PTK2: variants seen among roughly 807,000 people sequenced by gnomAD.
The protein encoded by PTK2 is protein tyrosine kinase 2, also known as focal adhesion kinase 1.
PTK2 carries 45 observed loss-of-function variants against 150.1 expected under a neutral mutation model. The observed-to-expected ratio is 0.30, with a 90% CI of 0.24 to 0.38. The LOEUF (loss-of-function observed/expected upper bound fraction) is 0.38, where lower values mean the gene tolerates loss of function less well. PTK2 is among the 10% of genes least tolerant of loss of function. The probability of loss-of-function intolerance (pLI) is 1.00; values close to 1 mark genes in which losing one functional copy is unlikely to be tolerated. For synonymous variants in PTK2, 432 were observed against 449.2 expected, an observed-to-expected ratio of 0.96 and a Z score of 0.48; for missense variants, 919 against 1,307.3, an observed-to-expected ratio of 0.70 and a Z score of 4.58.
chr8:140,746,911 A>G (rs1452363870), intron 17 of PTK2, 51 bp from the exon 21 acceptor site: 41 of 869,422 alleles, frequency 4.7e-5, no homozygotes, highest in Non-Finnish European at 6.8e-5. Context: ...TTTTTTTTTT[A>G]GACGGAGTCT....
chr8:140,820,216 C>T (rs1052238237), intron 8 of PTK2, among the ~76,000 whole-genome samples: 37 of 150,318 alleles, frequency 2.5e-4, no homozygotes, highest in Non-Finnish European at 1.2e-4. Context: ...TCTCCTGCCC[C>T]AGCCTCCCTG....
chr8:140,898,425 G>C lies in PTK2; in HGVS notation c.-32-7656C>G, dbSNP rs1192730402. Among the ~76,000 whole-genome samples the C allele has an allele frequency of 2.0e-5, 3 of 152,188 alleles. No individual in the cohort carries two copies. In the East Asian group the frequency reaches 5.8e-4, roughly 29 times the overall value. On this transcript the variant is annotated intron_variant, in intron 2 of 31. Coordinates refer to ENST00000522684, the Ensembl canonical transcript of PTK2. ...AGCAAATGTGGACTGGAATGGGAGA[G>C]AAGATGGAATGTCAATAATTGCTGC...
rs71504818 is a variant in PTK2 at position 140,820,074 on chromosome 8, TG to T, written c.649-1055del. Among the ~76,000 whole-genome samples the T allele has an allele frequency of 5.5e-4, 75 of 136,560 alleles. 1 individual carries two copies. Among genetic ancestry groups the T allele is most frequent in the Middle Eastern group, 3.6e-3 (1 of 276 alleles). 89.6% of individuals were successfully genotyped at this position (136,560 alleles called of 152,430 possible). On this transcript the variant is annotated intron_variant, in intron 8 of 31. Transcript: ENST00000522684. ...GAAGAGGAGTGACTTTATCTGACTT[TG>T]GTTTTTTTTTTTTTTTTTTTTTTTT...
intron 2 of PTK2, among the ~76,000 whole-genome samples, chr8:140,912,310 T>C (rs2100163510): frequency 6.6e-6 from 1 of 151,634 alleles, no homozygotes; most frequent in African/African-American, 2.4e-5. Flanking sequence ...GTGGGGTTTA[T>C]CTCAGCAATG....
intron 18 of PTK2, among the ~76,000 whole-genome samples, chr8:140,745,569 C>A (rs1481064842): frequency 6.6e-6 from 1 of 152,178 alleles, no homozygotes; most frequent in Non-Finnish European, 1.5e-5. Context: ...GCTCCCCCGG[C>A]CCAGTGTTTG....
chr8:140,838,267 G>A (rs1018848993), intron 7 of PTK2, among the ~76,000 whole-genome samples: 7 of 152,100 alleles, frequency 4.6e-5, no homozygotes, highest in Admixed American at 1.3e-4. Context: ...TTTCTGTACC[G>A]AAGAAATATA....
At chr8:140,759,247 TCTGCAGTCTTATACG>T (rs1351985178) in intron 16 of PTK2, among the ~76,000 whole-genome samples, 1 of 152,166 alleles carries the variant, frequency 6.6e-6, no homozygotes, top group East Asian at 1.9e-4. Context: ...GATGTGGAGA[TCTGCAGTCTTATACG>T]CTGCTGCTAG....
intron 27 of PTK2, among the ~76,000 whole-genome samples, chr8:140,679,775 T>G (rs550033469): frequency 6.6e-6 from 1 of 152,360 alleles, no homozygotes; most frequent in African/African-American, 2.4e-5. Context: ...TAATGTTTAC[T>G]AACTAGTTCA....
intron 2 of PTK2, among the ~76,000 whole-genome samples, chr8:140,908,759 C>T (rs1019538673): frequency 1.3e-5 from 2 of 152,206 alleles, no homozygotes; most frequent in Non-Finnish European, 2.9e-5. Flanking sequence ...AAATCGAGCC[C>T]TTTGCTAAGA....
chr8:140,957,482 A>G (rs2100181590), intron 1 of PTK2, among the ~76,000 whole-genome samples: 1 of 152,196 alleles, frequency 6.6e-6, no homozygotes, highest in Non-Finnish European at 1.5e-5. Flanking sequence ...TTATTACTGA[A>G]GAAAAATATT....
chr8:140,857,685 G>C (rs1302448053), intron 5 of PTK2, among the ~76,000 whole-genome samples: 1 of 152,214 alleles, frequency 6.6e-6, no homozygotes, highest in African/African-American at 2.4e-5. Context: ...AGCTGGCTGA[G>C]GACTGACCAC....
intron 31 of PTK2, among the ~76,000 whole-genome samples, chr8:140,660,108 T>C (rs536830819): frequency 1.9e-4 from 29 of 152,318 alleles, no homozygotes; most frequent in South Asian, 8.3e-4. Flanking sequence ...ATCCAGCATC[T>C]TGTTCCTTCC....
chr8:140,887,695 G>A (rs1410377761), intron 3 of PTK2, among the ~76,000 whole-genome samples: 2 of 151,884 alleles, frequency 1.3e-5, no homozygotes, highest in South Asian at 2.1e-4. Flanking sequence ...AGTAGTCACA[G>A]TAAAAAAATA....
intron 5 of PTK2, among the ~76,000 whole-genome samples, chr8:140,855,524 G>A (rs2100132018): frequency 2.0e-5 from 3 of 152,110 alleles, no homozygotes; most frequent in Admixed American, 6.5e-5. Context: ...GAACCCAGGA[G>A]GCGGAGGTTG....
chr8:140,719,908 AAAAAAAT>A, intron 22 of PTK2, among the ~76,000 whole-genome samples: 1 of 147,534 alleles, frequency 6.8e-6, no homozygotes, highest in African/African-American at 2.5e-5. Flanking sequence ...AAAAAAAAAA[AAAAAAAT>A]CAAAAACAAC....
intron 2 of PTK2, among the ~76,000 whole-genome samples, chr8:140,902,694 A>G (rs2100158994): frequency 6.6e-6 from 1 of 152,184 alleles, no homozygotes; most frequent in East Asian, 1.9e-4. Flanking sequence ...TTTGCTTTGC[A>G]TGTCTCTAAT....
At chr8:140,874,486 T>C (rs1005907928) in intron 4 of PTK2, among the ~76,000 whole-genome samples, 1 of 152,146 alleles carries the variant, frequency 6.6e-6, no homozygotes, top group Non-Finnish European at 1.5e-5. Context: ...TGTCTGCAGG[T>C]GACAGAAAAA....
At chr8:140,811,379 A>G (rs1364771443) in intron 10 of PTK2, among the ~76,000 whole-genome samples, 1 of 152,240 alleles carries the variant, frequency 6.6e-6, no homozygotes, top group Non-Finnish European at 1.5e-5. Flanking sequence ...CCTCAAGGTC[A>G]TCAAATAGGA....
Position 140,943,145 on chromosome 8 carries a change from A to G in PTK2, c.-121-17396T>C, listed in dbSNP as rs2100176433. Among the ~76,000 whole-genome samples, 4 of 152,078 alleles carry G rather than the reference A, an allele frequency of 2.6e-5. No individual in the cohort carries two copies. In the South Asian group the frequency reaches 8.3e-4, roughly 32 times the overall value. ...CAGTCTTGGGTATTTCTTTATACCA[A>G]CGCAAGAACAGCCTAATACAAGTGG... On this transcript the variant is annotated intron_variant, in intron 1 of 31. Transcript: ENST00000522684.
Sources: allele counts gnomAD v4.1 joint callset (sites outside exome capture counted in the v4.1 genomes callset), GRCh38; gene constraint gnomAD v4.1.1; transcripts MANE v1.5; gene names NCBI Gene and HGNC (gene_info 2026-07-23, HGNC 2026-07-21).